The following SOX5 variants were observed in gnomAD, a reference collection of about 807,000 sequenced individuals.
SOX5 encodes the protein transcription factor SOX-5.
SOX5 carries 9 observed loss-of-function variants against 92.0 expected under a neutral mutation model. The observed-to-expected ratio is 0.10, with a 90% CI of 0.06 to 0.17. The LOEUF (loss-of-function observed/expected upper bound fraction) is 0.17. SOX5 is among the 10% of genes least tolerant of loss of function. The probability of loss-of-function intolerance (pLI) is 1.00; values close to 1 mark genes in which losing one functional copy is unlikely to be tolerated. For synonymous variants in SOX5, 344 were observed against 336.3 expected, an observed-to-expected ratio of 1.02 and a Z score of -0.25; for missense variants, 642 against 944.5, an observed-to-expected ratio of 0.68 and a Z score of 4.20.
chr12:23,583,361 A>G (rs1950293333), intron 9 of SOX5, among the ~76,000 whole-genome samples: 1 of 152,134 alleles, frequency 6.6e-6, no homozygotes, highest in African/African-American at 2.4e-5. Context: ...CCACAATATC[A>G]CATGAAAACC....
intron 6 of SOX5, among the ~76,000 whole-genome samples, chr12:23,678,796 T>C (rs544822821): frequency 6.6e-6 from 1 of 152,200 alleles, no homozygotes; most frequent in East Asian, 1.9e-4. Flanking sequence ...AGAATTCAAA[T>C]CCAGGCCAGC....
intron 3 of SOX5, among the ~76,000 whole-genome samples, chr12:23,822,465 T>C (rs2096138934): frequency 6.6e-6 from 1 of 152,216 alleles, no homozygotes; most frequent in Non-Finnish European, 1.5e-5. Context: ...GAGGTCTAAT[T>C]TGATTGCACT....
At chr12:24,037,012 G>A (rs1206252804) in intron 4 of SOX5, among the ~76,000 whole-genome samples, 1 of 151,968 alleles carries the variant, frequency 6.6e-6, no homozygotes, top group Non-Finnish European at 1.5e-5. Context: ...TCACTCTCTT[G>A]TGAATTACTA....
chr12:24,067,029 C>A (rs1161179944), intron 4 of SOX5, among the ~76,000 whole-genome samples: 1 of 152,154 alleles, frequency 6.6e-6, no homozygotes, highest in African/African-American at 2.4e-5. Flanking sequence ...AAATCCCAAC[C>A]CATTTTAATT....
chr12:23,593,846 A>G (rs985660872), intron 9 of SOX5, among the ~76,000 whole-genome samples: 5 of 152,116 alleles, frequency 3.3e-5, no homozygotes, highest in Admixed American at 6.6e-5. Context: ...GAGGTAGAGA[A>G]GAAGGAAGAG....
chr12:23,558,275 A>G (rs1945586957), intron 11 of SOX5, among the ~76,000 whole-genome samples: 1 of 152,198 alleles, frequency 6.6e-6, no homozygotes, highest in African/African-American at 2.4e-5. Flanking sequence ...AATTTAAAGT[A>G]GTCTCTTTTC....
chr12:24,178,247 T>A (rs1039135364), intron 4 of SOX5, among the ~76,000 whole-genome samples: 3 of 31,792 alleles, frequency 9.4e-5, no homozygotes, highest in African/African-American at 2.2e-4. Context: ...AGCTTGACTT[T>A]TTTTTTTTTT....
intron 1 of SOX5, among the ~76,000 whole-genome samples, chr12:24,490,999 A>G (rs1947009975): frequency 6.6e-6 from 1 of 152,170 alleles, no homozygotes; most frequent in Non-Finnish European, 1.5e-5. Context: ...CATTCCTTTT[A>G]TCCCAAAGCC....
chr12:23,907,346 C>T (rs1021242358), intron 1 of SOX5, among the ~76,000 whole-genome samples: 14 of 151,854 alleles, frequency 9.2e-5, no homozygotes, highest in Non-Finnish European at 1.3e-4. Flanking sequence ...TTATGGAACC[C>T]GTCTATTAAG....
At chr12:24,226,433 C>T (rs1388486751) in intron 3 of SOX5, among the ~76,000 whole-genome samples, 1 of 152,048 alleles carries the variant, frequency 6.6e-6, no homozygotes, top group Non-Finnish European at 1.5e-5. Flanking sequence ...GAAATGTCTT[C>T]CATATTACTG....
chr12:24,487,157 T>A (rs1371943380), intron 1 of SOX5, among the ~76,000 whole-genome samples: 2 of 152,184 alleles, frequency 1.3e-5, no homozygotes, highest in Non-Finnish European at 2.9e-5. Flanking sequence ...AAACTTCTGA[T>A]ATGCTAAAAT....
chr12:24,005,673 T>C (rs1208973895), intron 4 of SOX5, among the ~76,000 whole-genome samples: 1 of 152,198 alleles, frequency 6.6e-6, no homozygotes, highest in East Asian at 1.9e-4. Context: ...AATCCATTAC[T>C]AAATAACAGA....
intron 2 of SOX5, among the ~76,000 whole-genome samples, chr12:23,890,430 G>C (rs1382692817): frequency 6.6e-6 from 1 of 152,186 alleles, no homozygotes; most frequent in East Asian, 1.9e-4. Flanking sequence ...AATGACAACT[G>C]ATTATTCAAC....
chr12:23,533,242 CACAT>C lies in SOX5; in HGVS notation c.*973_*976del. 5 of 450,316 alleles carry C rather than the reference CACAT, an allele frequency of 1.1e-5. No individual in the cohort carries two copies. Among genetic ancestry groups the C allele is most frequent in the South Asian group, 3.1e-5 (2 of 63,616 alleles). The allele number at this position is 450,316 out of a possible 1,614,324, so 27.9% of individuals were successfully genotyped here. A position where few individuals can be genotyped will look rare whatever the true frequency, so the allele number is the denominator to read the frequency against. On this transcript the variant is annotated 3_prime_UTR_variant, in exon 15 of 15. Transcript: ENST00000451604. ...TTATTCCTATTATTAGTACCATAAT[CACAT>C]ACATACATACACACAAAAATCCAAG...
At chr12:23,618,761 C>T (rs1024927547) in intron 8 of SOX5, among the ~76,000 whole-genome samples, 2 of 152,100 alleles carry the variant, frequency 1.3e-5, no homozygotes, top group Admixed American at 6.6e-5. Flanking sequence ...GTCCAAGTGG[C>T]CCTGAAATTC....
intron 2 of SOX5, among the ~76,000 whole-genome samples, chr12:23,880,690 T>A (rs2096978985): frequency 6.6e-6 from 1 of 152,140 alleles, no homozygotes; most frequent in Non-Finnish European, 1.5e-5. Flanking sequence ...CACAACCCCC[T>A]TTCTAGTTTT....
intron 1 of SOX5, among the ~76,000 whole-genome samples, chr12:24,475,874 CA>C (rs1224148344): frequency 6.6e-6 from 1 of 151,862 alleles, no homozygotes; most frequent in Non-Finnish European, 1.5e-5. Context: ...TCCAACTATA[CA>C]AGAAGCTGAG....
intron 8 of SOX5, among the ~76,000 whole-genome samples, chr12:23,618,745 T>C (rs1427683785): frequency 1.3e-5 from 2 of 152,170 alleles, no homozygotes; most frequent in Non-Finnish European, 2.9e-5. Flanking sequence ...ACTGGTAGTA[T>C]CAGAAGTCCA....
chr12:24,509,485 C>T (rs1949106945), intron 1 of SOX5, among the ~76,000 whole-genome samples: 1 of 152,062 alleles, frequency 6.6e-6, no homozygotes, highest in African/African-American at 2.4e-5. Context: ...GATATGTCAG[C>T]CTCTGAATTT....
Sources: gnomAD v4.1 joint callset for allele counts (sites outside exome capture counted in the v4.1 genomes callset) on GRCh38, gnomAD v4.1.1 for gene constraint, MANE v1.5 for transcripts, NCBI Gene and HGNC (gene_info 2026-07-23, HGNC 2026-07-21) for gene names.